The following RTN4IP1 variants were observed in gnomAD, a reference collection of about 807,000 sequenced individuals.
The protein encoded by RTN4IP1 is reticulon 4 interacting protein 1.
RTN4IP1 carries 32 observed loss-of-function variants against 46.6 expected under a neutral mutation model. The observed-to-expected ratio is 0.69, with a 90% confidence interval of 0.52 to 0.92. The LOEUF is 0.92. Ranked by LOEUF, RTN4IP1 falls within the 40% of genes least tolerant of loss-of-function variation. The pLI, the probability that RTN4IP1 is intolerant of heterozygous loss-of-function variation, is 0.00. For missense variants in RTN4IP1, 424 were observed against 485.8 expected, an observed-to-expected ratio of 0.87 and a Z score of 1.20; for synonymous variants, 167 against 161.8, an observed-to-expected ratio of 1.03 and a Z score of -0.24.
At position 106,629,149 on chromosome 6, in the gene RTN4IP1, G is replaced by A. The variant is rs1486734181; in HGVS notation, c.-128C>T. 1 of 828,236 alleles carries A rather than the reference G, an allele frequency of 1.2e-6. No individual in the cohort carries two copies. The highest frequency in any genetic ancestry group is 2.5e-5 in the East Asian group (1 of 39,680). The allele number at this position is 828,236 out of a possible 1,614,324, so 51.3% of individuals were successfully genotyped here. A position where few individuals can be genotyped will look rare whatever the true frequency, so the allele number is the denominator to read the frequency against. ...TTCAAAATTAAGCATGCAAAACGGAGCATTCGAAAATGAAGCTAATCTAAT... is the reference window on the plus strand; with the variant it reads ...TTCAAAATTAAGCATGCAAAACGGAACATTCGAAAATGAAGCTAATCTAAT... On this transcript the variant is annotated 5_prime_UTR_variant, in exon 1 of 9. Coordinates refer to ENST00000369063, the MANE Select transcript of RTN4IP1 (RefSeq NM_032730.5).
intron 1 of RTN4IP1, among the ~76,000 whole-genome samples, chr6:106,628,434 C>A (rs375567156): frequency 1.3e-5 from 2 of 151,978 alleles, no homozygotes; most frequent in East Asian, 1.9e-4. Flanking sequence ...GGCCACCGCA[C>A]TCTAGCCTGG....
intron 7 of RTN4IP1, among the ~76,000 whole-genome samples, chr6:106,586,993 C>T (rs1053350265): frequency 3.9e-5 from 6 of 152,176 alleles, no homozygotes; most frequent in African/African-American, 1.4e-4. Flanking sequence ...AACCAAGTCC[C>T]AGAAACTCCC....
intron 3 of RTN4IP1, among the ~76,000 whole-genome samples, 191 bp downstream of exon 3, chr6:106,621,234 C>G (rs73761709): frequency 0.039 from 6,012 of 152,262 alleles, 140 homozygotes; most frequent in South Asian, 0.1. Flanking sequence ...AAAACAGCTA[C>G]GTTAGCAGGC....
chr6:106,607,438 C>A (rs1413695718), intron 4 of RTN4IP1, among the ~76,000 whole-genome samples: 1 of 151,976 alleles, frequency 6.6e-6, no homozygotes, highest in Non-Finnish European at 1.5e-5. Flanking sequence ...AAGAGACAAC[C>A]TGTAGAATGG....
At chr6:106,573,928 C>G (rs9486414) in intron 8 of RTN4IP1, among the ~76,000 whole-genome samples, 21,517 of 152,166 alleles carry the variant, frequency 0.14, 1,747 homozygotes, top group African/African-American at 0.21. Context: ...CAGATGTGTG[C>G]TACACGGGTG....
intron 1 of RTN4IP1, among the ~76,000 whole-genome samples, chr6:106,623,386 A>AG (rs1776538562): frequency 1.3e-5 from 2 of 152,144 alleles, no homozygotes; most frequent in African/African-American, 4.8e-5. Flanking sequence ...GGTTTTTCAG[A>AG]GGGTGGAGGG....
chr6:106,592,389 A>G, intron 5 of RTN4IP1, 89 bp from the exon 6 acceptor site: 1 of 1,338,608 alleles, frequency 7.5e-7, no homozygotes. Flanking sequence ...GGCACCATGT[A>G]TACATATATC....
At chr6:106,624,212 C>T (rs1331150867) in intron 1 of RTN4IP1, among the ~76,000 whole-genome samples, 5 of 152,086 alleles carry the variant, frequency 3.3e-5, no homozygotes, top group Non-Finnish European at 7.4e-5. Context: ...CACACCACCA[C>T]AGCCACCTAA....
upstream of RTN4IP1, chr6:106,629,658 G>A (rs778418291): frequency 2.4e-5 from 38 of 1,600,222 alleles, no homozygotes; most frequent in Non-Finnish European, 3.2e-5. Flanking sequence ...TGGCTCCTGT[G>A]GTGGCAGGCT....
intron 5 of RTN4IP1, among the ~76,000 whole-genome samples, chr6:106,598,106 T>C (rs982658425): frequency 3.2e-4 from 49 of 152,254 alleles, no homozygotes; most frequent in African/African-American, 1.0e-3. Context: ...TGTTGGACAT[T>C]TGGGTTGGTT....
chr6:106,619,589 T>TA (rs143425305), intron 3 of RTN4IP1, among the ~76,000 whole-genome samples: 10,845 of 150,124 alleles, frequency 0.072, 1,028 homozygotes, highest in African/African-American at 0.2. Flanking sequence ...TAATGAATAG[T>TA]AAGTATACTT....
chr6:106,619,797 G>A (rs917473694), intron 3 of RTN4IP1, among the ~76,000 whole-genome samples: 8 of 151,582 alleles, frequency 5.3e-5, no homozygotes, highest in East Asian at 2.0e-4. Flanking sequence ...ATTTTCAGTA[G>A]AGACAGGGTT....
chr6:106,592,197 C>G lies in RTN4IP1; in HGVS notation c.773G>C (p.Gly258Ala). Residue 258 changes from glycine to alanine, a missense_variant, in exon 6 of 9, where the codon GGA (glycine) becomes GCA (alanine). Transcript: ENST00000369063. ...GGATTTCAACTGCTCTTCCACACTT[C>G]CAGATTTGTAATCAATTACATCGTC... ...GADDVIDYKS[G>A]SVEEQLKSLK... 1 of 1,614,094 alleles carries G rather than the reference C, an allele frequency of 6.2e-7. No individual in the cohort carries two copies. The highest frequency in any genetic ancestry group is 1.1e-5 in the South Asian group (1 of 91,072).
At chr6:106,616,169 G>A (rs1405174195) in intron 4 of RTN4IP1, among the ~76,000 whole-genome samples, 2 of 152,014 alleles carry the variant, frequency 1.3e-5, no homozygotes, top group African/African-American at 4.8e-5. Context: ...CACCCACCTC[G>A]GCCTCCCAAA....
intron 5 of RTN4IP1, among the ~76,000 whole-genome samples, chr6:106,595,547 G>C (rs1435655228): frequency 2.0e-5 from 3 of 149,224 alleles, no homozygotes; most frequent in Non-Finnish European, 3.0e-5. Flanking sequence ...TCCCAGGCTA[G>C]AGTGCAGTGG....
chr6:106,605,099 G>C (rs1383028736), intron 4 of RTN4IP1, among the ~76,000 whole-genome samples: 1 of 152,180 alleles, frequency 6.6e-6, no homozygotes, highest in Non-Finnish European at 1.5e-5. Flanking sequence ...GTGTCACCTA[G>C]TGACCTGAGA....
At chr6:106,598,014 A>G (rs1775843856) in intron 5 of RTN4IP1, among the ~76,000 whole-genome samples, 1 of 152,152 alleles carries the variant, frequency 6.6e-6, no homozygotes, top group Admixed American at 6.5e-5. Context: ...GTCCCTACAA[A>G]GGGCATGAAC....
intron 4 of RTN4IP1, among the ~76,000 whole-genome samples, chr6:106,604,512 T>TC (rs906689750): frequency 7.9e-5 from 12 of 152,276 alleles, no homozygotes; most frequent in African/African-American, 2.9e-4. Context: ...CCACGGTCTC[T>TC]CATCCCTTCC....
intron 2 of RTN4IP1, among the ~76,000 whole-genome samples, chr6:106,621,700 A>G (rs1245130834): frequency 6.6e-6 from 1 of 152,234 alleles, no homozygotes; most frequent in African/African-American, 2.4e-5. Flanking sequence ...CTGGAAGCAG[A>G]TGCCAGCATA....
Sources: gnomAD v4.1 joint callset for allele counts (sites outside exome capture counted in the v4.1 genomes callset) on GRCh38, gnomAD v4.1.1 for gene constraint, MANE v1.5 for transcripts, NCBI Gene and HGNC (gene_info 2026-07-23, HGNC 2026-07-21) for gene names.